The following MAP2K1 variants were observed in gnomAD, a reference collection of about 807,000 sequenced individuals.
MAP2K1 encodes dual specificity mitogen-activated protein kinase kinase 1.
A neutral mutation model predicts 46.3 loss-of-function variants in MAP2K1; 16 were observed. The ratio of observed to expected loss-of-function variants is 0.35; its 90% confidence interval spans 0.23 to 0.52. The LOEUF is 0.52. Ranked by LOEUF, MAP2K1 falls within the 20% of genes least tolerant of loss-of-function variation. The pLI is 0.94. For missense variants in MAP2K1, 263 were observed against 497.1 expected, an observed-to-expected ratio of 0.53 and a Z score of 4.48; for synonymous variants, 183 against 185.6, an observed-to-expected ratio of 0.99 and a Z score of 0.11.
intron 1 of MAP2K1, among the ~76,000 whole-genome samples, chr15:66,416,973 C>T (rs1477645661): frequency 1.3e-5 from 2 of 152,172 alleles, no homozygotes; most frequent in East Asian, 3.9e-4. Flanking sequence ...AGCTGCACCT[C>T]TACATGCTGT....
At chr15:66,466,681 A>G (rs759233490) in intron 5 of MAP2K1, among the ~76,000 whole-genome samples, 1 of 152,216 alleles carries the variant, frequency 6.6e-6, no homozygotes, top group Non-Finnish European at 1.5e-5. Context: ...CTGCATCTCA[A>G]AAAAACAAAC....
intron 3 of MAP2K1, among the ~76,000 whole-genome samples, chr15:66,442,612 A>G (rs778225907): frequency 6.6e-6 from 1 of 152,200 alleles, no homozygotes; most frequent in Non-Finnish European, 1.5e-5. Flanking sequence ...CACCACAACA[A>G]TCAACACAGA....
intron 1 of MAP2K1, among the ~76,000 whole-genome samples, chr15:66,420,898 TAC>T (rs1491281014): frequency 1.3e-4 from 14 of 109,310 alleles, no homozygotes; most frequent in South Asian, 2.8e-4. Context: ...TATATACACA[TAC>T]ATACATACAC....
chr15:66,487,398 G>A (rs931214270), intron 8 of MAP2K1, 106 bp downstream of exon 8: 3 of 1,067,858 alleles, frequency 2.8e-6, no homozygotes. Flanking sequence ...CAGCAGTTTG[G>A]GAGGCTGAGG....
At chr15:66,416,613 T>C (rs909908152) in intron 1 of MAP2K1, among the ~76,000 whole-genome samples, 3 of 152,266 alleles carry the variant, frequency 2.0e-5, no homozygotes, top group Non-Finnish European at 4.4e-5. Flanking sequence ...TCAGTTCTGC[T>C]GTGGGACTCA....
chr15:66,389,647 T>C lies in MAP2K1; in HGVS notation c.80+2220T>C, dbSNP rs536031093. On this transcript the variant is annotated intron_variant, in intron 1 of 10. Coordinates refer to ENST00000307102, the MANE Select transcript of MAP2K1 (RefSeq NM_002755.4). ...CAGAGTGCAGTGGTGCGATCTCGGC[T>C]CACCACAACCTCCACCTCCCGGCTT... Among the ~76,000 whole-genome samples the C allele has an allele frequency of 5.7e-5, 8 of 140,440 alleles. No homozygotes were observed. In the Admixed American group the frequency reaches 6.2e-4, roughly 11 times the overall value. 92.1% of individuals were successfully genotyped at this position (140,440 alleles called of 152,430 possible). A position where few individuals can be genotyped will look rare whatever the true frequency, so the allele number is the denominator to read the frequency against.
intron 1 of MAP2K1, among the ~76,000 whole-genome samples, chr15:66,420,972 CAT>C (rs1291926563): frequency 7.7e-4 from 7 of 9,074 alleles, no homozygotes; most frequent in South Asian, 0.022. Context: ...TATACACACA[CAT>C]ACATACACAC....
intron 1 of MAP2K1, among the ~76,000 whole-genome samples, chr15:66,408,047 C>T (rs927413630): frequency 6.6e-6 from 1 of 152,204 alleles, no homozygotes; most frequent in Admixed American, 6.5e-5. Context: ...TGTGCAAGTG[C>T]TTTTACATCC....
intron 2 of MAP2K1, among the ~76,000 whole-genome samples, chr15:66,435,966 T>A (rs2093486994): frequency 6.6e-6 from 1 of 152,210 alleles, no homozygotes; most frequent in South Asian, 2.1e-4. Flanking sequence ...TGGACTTCCC[T>A]TTCCTATCTA....
At chr15:66,428,826 C>G (rs1268300037) in intron 1 of MAP2K1, among the ~76,000 whole-genome samples, 1 of 123,780 alleles carries the variant, frequency 8.1e-6, no homozygotes, top group African/African-American at 3.2e-5. Flanking sequence ...GTCACCCAGG[C>G]TAGAGTGCAG....
chr15:66,435,293 C>T (rs2140580457), intron 2 of MAP2K1, 56 bp downstream of exon 2: 2 of 1,405,808 alleles, frequency 1.4e-6, no homozygotes, highest in African/African-American at 1.4e-5. Flanking sequence ...ACTTAGAAGC[C>T]TGGGGACCAG....
rs550480316 is a variant in MAP2K1 at position 66,397,298 on chromosome 15, C to T, written c.80+9871C>T. Among the ~76,000 whole-genome samples the T allele has an allele frequency of 1.1e-3, 160 of 151,854 alleles. 1 individual carries two copies. The highest frequency in any genetic ancestry group is 3.5e-3 in the African/African-American group (146 of 41,398). ...GATTACAGGCGTGAGCCACGGCGCCCGGCCTGTAACACTTCTTAATGGTGT... is the reference window on the plus strand; with the variant it reads ...GATTACAGGCGTGAGCCACGGCGCCTGGCCTGTAACACTTCTTAATGGTGT... On this transcript the variant is annotated intron_variant, in intron 1 of 10. Coordinates refer to ENST00000307102, the MANE Select transcript of MAP2K1 (RefSeq NM_002755.4).
rs531166621 is a variant in MAP2K1, at chr15:66,416,411, G to T, written c.81-18616G>T. ...CTTTCAGACTGCCTTGTGAGGACAG[G>T]GATCTTGTTGTCTTCATAGCCTAGC... On this transcript the variant is annotated intron_variant, in intron 1 of 10. Coordinates refer to ENST00000307102, the MANE Select transcript of MAP2K1 (RefSeq NM_002755.4). Among the ~76,000 whole-genome samples, 4 of 151,766 alleles carry T rather than the reference G, an allele frequency of 2.6e-5. No homozygotes were observed. The South Asian group carries it at 6.3e-4, about 24-fold the overall frequency.
Position 66,387,407 on chromosome 15 carries a change from T to G in MAP2K1, c.60T>G (p.Val20=). Residue 20 remains valine (V), a synonymous_variant, in exon 1 of 11, where the codon GTT becomes GTG. Coordinates refer to ENST00000307102, the MANE Select transcript of MAP2K1 (RefSeq NM_002755.4). ...QLNPAPDGSA[V]NGTSSAETNL... Reference sequence around the variant, plus strand: ...ACCCGGCCCCCGACGGCTCTGCAGTTAACGGGACCAGCTCTGCGGAGTAAG... The same window carrying G: ...ACCCGGCCCCCGACGGCTCTGCAGTGAACGGGACCAGCTCTGCGGAGTAAG... 6.4e-7 allele frequency: 1 copy of G among 1,562,450 alleles called. No homozygotes were observed. The highest frequency in any genetic ancestry group is 2.4e-5 in the East Asian group (1 of 42,186).
chr15:66,444,785 G>T (rs1891818760), intron 5 of MAP2K1, 78 bp downstream of exon 5: 2 of 1,216,070 alleles, frequency 1.6e-6, no homozygotes, highest in Middle Eastern at 1.9e-4. Flanking sequence ...TTTTTTCTAT[G>T]TTTTGTTTTC....
chr15:66,401,957 G>A (rs2093382899), intron 1 of MAP2K1: 1 of 1,346,240 alleles, frequency 7.4e-7, no homozygotes, highest in African/African-American at 1.5e-5. Flanking sequence ...GGTAGGCTGA[G>A]GTGGTTTTGT....
At chr15:66,487,313 T>C (rs766539592) in intron 8 of MAP2K1, 21 bp downstream of exon 8, 8 of 1,612,356 alleles carry the variant, frequency 5.0e-6, no homozygotes, top group South Asian at 1.1e-5. Flanking sequence ...CCTGGTTTCC[T>C]TCACCTTGGA....
At chr15:66,418,731 C>T (rs2093430212) in intron 1 of MAP2K1, among the ~76,000 whole-genome samples, 1 of 150,540 alleles carries the variant, frequency 6.6e-6, no homozygotes, top group Non-Finnish European at 1.5e-5. Context: ...GGCGGGATCT[C>T]AGCTCACTGC....
chr15:66,469,727 T>C (rs959496480), intron 5 of MAP2K1, among the ~76,000 whole-genome samples: 1 of 26,560 alleles, frequency 3.8e-5, no homozygotes, highest in Admixed American at 4.2e-4. Context: ...CACACACATA[T>C]CGGATGTTAG....
Sources: gnomAD v4.1 joint callset for allele counts (sites outside exome capture counted in the v4.1 genomes callset) on GRCh38, gnomAD v4.1.1 for gene constraint, MANE v1.5 for transcripts, NCBI Gene and HGNC (gene_info 2026-07-23, HGNC 2026-07-21) for gene names.